Variants in ARL3 observed in about 807,000 individuals in gnomAD.
ARL3 encodes ADP-ribosylation factor-like protein 3.
ARL3 carries 9 observed loss-of-function variants against 26.0 expected under a neutral mutation model. The observed-to-expected ratio is 0.35, with a 90% CI of 0.21 to 0.60. The LOEUF is 0.60. Ranked by LOEUF, ARL3 falls within the 20% of genes least tolerant of loss-of-function variation. The pLI, the probability that ARL3 is intolerant of heterozygous loss-of-function variation, is 0.78. For synonymous variants in ARL3, 71 were observed against 78.4 expected (o/e 0.91, Z 0.50); for missense variants, 158 against 215.7 (o/e 0.73, Z 1.67).
chr10:102,684,803 T>G (rs1289353842), intron 5 of ARL3, among the ~76,000 whole-genome samples: 2 of 151,830 alleles, frequency 1.3e-5, no homozygotes, highest in East Asian at 4.0e-4. Context: ...CATGTCCGGC[T>G]GATTTTTTTT....
At chr10:102,701,947 C>CTT (rs1302941581) in intron 2 of ARL3, among the ~76,000 whole-genome samples, 1 of 150,404 alleles carries the variant, frequency 6.6e-6, no homozygotes, top group African/African-American at 2.5e-5. Flanking sequence ...TTTTGGGAGA[C>CTT]TGAGGCGGGA....
rs188455178 is a variant in ARL3 at position 102,699,976 on chromosome 10, C to T, written c.148-487G>A. 3.9e-5 allele frequency among the ~76,000 whole-genome samples: 6 copies of T among 152,304 alleles called. No homozygotes were observed. The East Asian group carries it at 9.6e-4, about 24-fold the overall frequency. On this transcript the variant is annotated intron_variant, in intron 2 of 5. Transcript: ENST00000260746. ...TCAAGAGCAGCTCAAAATAAATTTC[C>T]TACAGGGATTAATCAGGAAAAAGAG...
At chr10:102,697,549 C>T (rs922500683) in intron 3 of ARL3, among the ~76,000 whole-genome samples, 3 of 152,192 alleles carry the variant, frequency 2.0e-5, no homozygotes, top group Admixed American at 2.0e-4. Flanking sequence ...TTATGTGGCA[C>T]ATGACTGTAT....
At chr10:102,711,364 G>A (rs2064339003) in intron 1 of ARL3, among the ~76,000 whole-genome samples, 2 of 150,362 alleles carry the variant, frequency 1.3e-5, no homozygotes, top group South Asian at 4.2e-4. Context: ...GTATGTATAT[G>A]TATCTGTATA....
At chr10:102,713,070 G>A (rs1324203874) in intron 1 of ARL3, among the ~76,000 whole-genome samples, 4 of 130,996 alleles carry the variant, frequency 3.1e-5, no homozygotes, top group African/African-American at 1.1e-4. Flanking sequence ...TTTTTCCTGG[G>A]CATCTAGTTT....
At position 102,705,472 on chromosome 10, in the gene ARL3, C is replaced by A; in HGVS notation, c.21G>T (p.Leu7Phe). Reference sequence around the variant, plus strand: ...GGTCTGGTGCACTTTTCAACTTGCGCAAAATTGAGAGCAAGCCCTTCAACA... The same window carrying A: ...GGTCTGGTGCACTTTTCAACTTGCGAAAAATTGAGAGCAAGCCCTTCAACA... MGLLSI[L>F]RKLKSAPDQE... The change falls in exon 2 of 6, where the codon TTG becomes TTT. Residue 7 changes from leucine (L) to phenylalanine (F), a missense_variant. By Grantham distance (22) the Leu-to-Phe change is conservative. Transcript: ENST00000260746. 1 of 1,598,226 alleles carries A rather than the reference C, an allele frequency of 6.3e-7. No individual in the cohort carries two copies. Among genetic ancestry groups the A allele is most frequent in the Non-Finnish European group, 8.6e-7 (1 of 1,167,286 alleles).
Position 102,677,020 on chromosome 10 carries a change from G to A in ARL3, c.502-79C>T. ...ACACTCTAGCCTGGAGGGGCGGGCA[G>A]TGGGGGTCCCAGGCCCTCCCTCCCA... On this transcript the variant is annotated intron_variant, in intron 5 of 5. Transcript: ENST00000260746. The A allele has an allele frequency of 2.6e-6, 4 of 1,515,824 alleles. No homozygotes were observed. In the Middle Eastern group the frequency reaches 5.1e-4, roughly 194 times the overall value. 93.9% of individuals were successfully genotyped at this position (1,515,824 alleles called of 1,614,324 possible). A position where few individuals can be genotyped will look rare whatever the true frequency, so the allele number is the denominator to read the frequency against.
At chr10:102,714,230 G>T (rs757316070) in intron 1 of ARL3, 43 bp downstream of exon 1, 1 of 1,313,344 alleles carries the variant, frequency 7.6e-7, no homozygotes. Context: ...ACGGGAGGGG[G>T]ATAACCGGCC....
intron 1 of ARL3, among the ~76,000 whole-genome samples, chr10:102,709,580 G>A (rs1326661765): frequency 2.1e-5 from 3 of 140,330 alleles, no homozygotes; most frequent in African/African-American, 7.9e-5. Context: ...CCAAGAGTTT[G>A]AGGCTGCAGT....
intron 3 of ARL3, among the ~76,000 whole-genome samples, chr10:102,694,655 C>G (rs182544778): frequency 3.3e-4 from 50 of 152,138 alleles, no homozygotes; most frequent in African/African-American, 1.2e-3. Flanking sequence ...TTCATGTAAG[C>G]CTATTTTGGG....
intron 3 of ARL3, among the ~76,000 whole-genome samples, chr10:102,693,326 T>C (rs2064229647): frequency 6.6e-6 from 1 of 152,204 alleles, no homozygotes; most frequent in Admixed American, 6.5e-5. Context: ...AGGAGTCCCA[T>C]TGCTCTACAT....
chr10:102,711,112 CTAT>C (rs2136011855), intron 1 of ARL3, among the ~76,000 whole-genome samples: 1 of 152,242 alleles, frequency 6.6e-6, no homozygotes, highest in East Asian at 1.9e-4. Flanking sequence ...AACTGAACTC[CTAT>C]CAGCTTAAAG....
Position 102,714,360 on chromosome 10 carries a change from T to A in ARL3, c.-85A>T. 8.1e-7 allele frequency: 1 copy of A among 1,240,424 alleles called. No homozygotes were observed. The highest frequency in any genetic ancestry group is 3.0e-5 in the East Asian group (1 of 33,554). The allele number at this position is 1,240,424 out of a possible 1,614,324, so 76.8% of individuals were successfully genotyped here. ...AACTGCTGCGGCGCCGCCCCCGACG[T>A]CCCTCGCACGCACAGCTGAGGAGCT... On this transcript the variant is annotated 5_prime_UTR_variant, in exon 1 of 6. Coordinates refer to ENST00000260746, the MANE Select transcript of ARL3 (RefSeq NM_004311.4).
intron 3 of ARL3, among the ~76,000 whole-genome samples, chr10:102,696,204 T>C (rs1461931609): frequency 6.6e-6 from 1 of 151,622 alleles, no homozygotes. Flanking sequence ...GACCTCGTGA[T>C]CCACCCACCT....
intron 2 of ARL3, among the ~76,000 whole-genome samples, chr10:102,703,987 C>T (rs2064295099): frequency 6.6e-6 from 1 of 151,278 alleles, no homozygotes; most frequent in Non-Finnish European, 1.5e-5. Context: ...CCTGTCTCTA[C>T]TAAAATACAA....
At chr10:102,694,806 C>A (rs1254199637) in intron 3 of ARL3, among the ~76,000 whole-genome samples, 1 of 152,138 alleles carries the variant, frequency 6.6e-6, no homozygotes, top group Non-Finnish European at 1.5e-5. Flanking sequence ...GCAACCTCTG[C>A]CTCCTGGGTT....
At position 102,696,267 on chromosome 10, in the gene ARL3, A is replaced by ATT. The variant is rs370113114; in HGVS notation, c.264+3104_264+3105dup. Among the ~76,000 whole-genome samples, 196 of 133,576 alleles carry ATT rather than the reference A, an allele frequency of 1.5e-3. 2 individuals are homozygous for ATT. The highest frequency in any genetic ancestry group is 2.9e-3 in the East Asian group (13 of 4,546). 87.6% of individuals were successfully genotyped at this position (133,576 alleles called of 152,430 possible). A position where few individuals can be genotyped will look rare whatever the true frequency, so the allele number is the denominator to read the frequency against. On this transcript the variant is annotated intron_variant, in intron 3 of 5. Coordinates refer to ENST00000260746, the MANE Select transcript of ARL3 (RefSeq NM_004311.4). ...GCGTTAGCCACAGAGCCTGGCCAAC[A>ATT]TTTTTTTTTTTTTTTTGAGACGGAG...
chr10:102,686,080 T>C (rs1422711777), intron 4 of ARL3, 79 bp from the exon 5 acceptor site: 2 of 1,319,142 alleles, frequency 1.5e-6, no homozygotes, highest in Admixed American at 4.7e-5. Context: ...ACTTTTTTTT[T>C]TTTTTTTTTG....
chr10:102,713,728 G>A (rs796488273), intron 1 of ARL3, among the ~76,000 whole-genome samples: 11 of 152,124 alleles, frequency 7.2e-5, no homozygotes, highest in South Asian at 6.2e-4. Context: ...ACCCCTTTGT[G>A]TCGTGGGACT....
Sources: gnomAD v4.1 joint callset for allele counts (sites outside exome capture counted in the v4.1 genomes callset) on GRCh38, gnomAD v4.1.1 for gene constraint, MANE v1.5 for transcripts, NCBI Gene and HGNC (gene_info 2026-07-23, HGNC 2026-07-21) for gene names.